NHS: variants seen among roughly 807,000 people sequenced by gnomAD.
The protein encoded by NHS is actin remodeling regulator NHS.
In NHS, 5 loss-of-function variants were observed where a neutral mutation model predicts 72.5. That is an observed-to-expected ratio of 0.07 (90% CI 0.04 to 0.14). The LOEUF is 0.14. Among genes scored for constraint, NHS ranks in the 10% least tolerant of loss-of-function variants. The pLI is 1.00. For missense variants in NHS, 1,072 were observed against 1,355.7 expected (o/e 0.79, Z 3.29); for synonymous variants, 464 against 547.7 (o/e 0.85, Z 2.13).
In NHS at chrX:17,734,881, G is replaced by T. The variant is rs937389795; in HGVS notation, c.*2417G>T. 8.0e-5 allele frequency: 9 copies of T among 112,563 alleles called. No individual in the cohort carries two copies. Among genetic ancestry groups the T allele is most frequent in the East Asian group, 5.6e-4 (2 of 3,586 alleles). The allele number at this position is 112,563 out of a possible 1,213,427, so 9.3% of individuals were successfully genotyped here. The stretch of plus-strand genomic sequence containing the variant: ...CAGTATGGCTTTTGTGTAGTTAGGG[G>T]TTTTTTAAGTGTGAAGAAAGGTATG... On this transcript the variant is annotated 3_prime_UTR_variant, in exon 9 of 9. Coordinates refer to ENST00000676302, the MANE Select transcript of NHS (RefSeq NM_001291867.2).
rs1287223456 is a variant in NHS, at chrX:17,726,723, C to T, written c.2617C>T (p.Pro873Ser). 2 of 1,211,908 alleles carry T rather than the reference C, an allele frequency of 1.7e-6. No individual in the cohort carries two copies. The highest frequency in any genetic ancestry group is 2.2e-6 in the Non-Finnish European group (2 of 895,577). ...CGCAGATATTTCTGAGAAGAAAGAA[C>T]CAAAGATAAGCAGTGGTCAGCACCT... is the stretch of plus-strand genomic sequence containing the variant. ...GNADISEKKEPKISSGQHLPH... is the reference protein window; with the variant it reads ...GNADISEKKESKISSGQHLPH... The change falls in exon 7 of 9, where the codon CCA becomes TCA. Residue 873 changes from proline (P) to serine (S), a missense_variant. By Grantham distance (74) the Pro-to-Ser change is moderately conservative. Coordinates refer to ENST00000676302, the MANE Select transcript of NHS (RefSeq NM_001291867.2).
At chrX:17,679,672 C>T (rs1268103685) in intron 1 of NHS, among the ~76,000 whole-genome samples, 1 of 111,188 alleles carries the variant, frequency 9.0e-6, no homozygotes, top group Non-Finnish European at 1.9e-5. Flanking sequence ...GTATACAAGC[C>T]AACCAAGGTA....
At chrX:17,592,625 C>T (rs1044868583) in intron 1 of NHS, among the ~76,000 whole-genome samples, 18 of 112,227 alleles carry the variant, frequency 1.6e-4, no homozygotes, top group African/African-American at 5.8e-4. Flanking sequence ...CTGAAATGTT[C>T]TCTATAGTCC....
At chrX:17,527,878 A>G (rs2065180629) in intron 1 of NHS, among the ~76,000 whole-genome samples, 1 of 103,982 alleles carries the variant, frequency 9.6e-6, no homozygotes, top group African/African-American at 3.5e-5. Flanking sequence ...AAAGGGACCC[A>G]TAATCACGCC....
At chrX:17,538,922 G>T (rs900745918) in intron 1 of NHS, among the ~76,000 whole-genome samples, 1 of 112,072 alleles carries the variant, frequency 8.9e-6, no homozygotes, top group African/African-American at 3.2e-5. Context: ...CACTGCCCTT[G>T]TCTTTCTGCC....
chrX:17,516,562 C>T (rs1456175396), intron 1 of NHS, among the ~76,000 whole-genome samples: 6 of 85,676 alleles, frequency 7.0e-5, no homozygotes, highest in African/African-American at 2.8e-4. Context: ...TTACAACACA[C>T]ACACACGCGC....
intron 1 of NHS, among the ~76,000 whole-genome samples, chrX:17,577,718 A>T (rs992032988): frequency 1.8e-5 from 2 of 111,981 alleles, no homozygotes; most frequent in Non-Finnish European, 3.8e-5. Context: ...ATTGGCTGAC[A>T]TGCTGAAAGT....
intron 1 of NHS, among the ~76,000 whole-genome samples, chrX:17,510,538 C>T (rs1460165495): frequency 8.9e-6 from 1 of 112,402 alleles, no homozygotes. Context: ...ATGGCCAATA[C>T]ATACCCATGC....
At chrX:17,381,152 T>C (rs1004715769) in intron 1 of NHS, among the ~76,000 whole-genome samples, 1 of 111,259 alleles carries the variant, frequency 9.0e-6, no homozygotes, top group Admixed American at 9.5e-5. Flanking sequence ...ATTTGAAGAG[T>C]CCAACTTTTC....
intron 1 of NHS, among the ~76,000 whole-genome samples, chrX:17,668,600 G>T (rs994159599): frequency 1.8e-5 from 2 of 110,426 alleles, no homozygotes; most frequent in African/African-American, 6.6e-5. Flanking sequence ...CCCTTCACTG[G>T]ATCAGGAGCC....
In NHS at chrX:17,726,762, A is replaced by G; in HGVS notation, c.2656A>G (p.Arg886Gly). 1 of 1,212,145 alleles carries G rather than the reference A, an allele frequency of 8.2e-7. No homozygotes were observed. Among genetic ancestry groups the G allele is most frequent in the South Asian group, 1.8e-5 (1 of 57,011 alleles). Residue 886 changes from arginine to glycine, a missense_variant, in exon 7 of 9, where the codon AGG (arginine) becomes GGG (glycine). Transcript: ENST00000676302. The stretch of plus-strand genomic sequence containing the variant: ...TGGTCAGCACCTGCCTCACAGTTCC[A>G]GGGAAATGAAGCTGCCTCTTGATTT... ...SSGQHLPHSSREMKLPLDFAN... is the reference protein window; with the variant it reads ...SSGQHLPHSSGEMKLPLDFAN...
chrX:17,422,900 A>G (rs889965818), intron 1 of NHS, among the ~76,000 whole-genome samples: 1 of 111,913 alleles, frequency 8.9e-6, no homozygotes, highest in East Asian at 2.8e-4. Context: ...AAAAAAAGGT[A>G]GAAATTGGTA....
chrX:17,697,843 C>CTAG (rs1242972405), intron 3 of NHS, among the ~76,000 whole-genome samples: 1 of 108,404 alleles, frequency 9.2e-6, no homozygotes, highest in Non-Finnish European at 1.9e-5. Context: ...CCAATAAGAA[C>CTAG]TAGTTAACCA....
intron 1 of NHS, among the ~76,000 whole-genome samples, chrX:17,383,747 A>T (rs1374991313): frequency 1.8e-5 from 2 of 111,869 alleles, no homozygotes; most frequent in East Asian, 5.6e-4. Context: ...ATTCAACATG[A>T]GATATGGGTG....
intron 2 of NHS, among the ~76,000 whole-genome samples, chrX:17,691,268 T>C (rs1437043084): frequency 8.9e-6 from 1 of 112,237 alleles, no homozygotes; most frequent in Non-Finnish European, 1.9e-5. Context: ...TGTAAACACT[T>C]TTCCTTGTGT....
chrX:17,405,720 A>G (rs1231056757), intron 1 of NHS, among the ~76,000 whole-genome samples: 1 of 112,633 alleles, frequency 8.9e-6, no homozygotes. Context: ...GTAGACTGTG[A>G]CAGTGTCAGC....
Position 17,726,150 on chromosome X carries a change from T to C in NHS, c.2044T>C (p.Phe682Leu). The change falls in exon 7 of 9, where the codon TTC (phenylalanine) becomes CTC (leucine). Residue 682 changes from phenylalanine to leucine, a missense_variant. Transcript: ENST00000676302. ...TCATGCCAATGAGGATGCCAGTGTT[T>C]TCGTGACAGAGCAATACAATGACCA... is the stretch of plus-strand genomic sequence containing the variant. Reference protein sequence around the residue: ...APHANEDASVFVTEQYNDHLD... With the variant: ...APHANEDASVLVTEQYNDHLD... 8.3e-7 allele frequency: 1 copy of C among 1,211,955 alleles called. No homozygotes were observed.
intron 1 of NHS, among the ~76,000 whole-genome samples, chrX:17,683,376 T>C (rs1042417976): frequency 2.7e-5 from 3 of 111,487 alleles, no homozygotes; most frequent in African/African-American, 9.9e-5. Flanking sequence ...TAGATCCTTT[T>C]TATGTGGCAG....
chrX:17,505,650 G>A (rs750796894), intron 1 of NHS, among the ~76,000 whole-genome samples: 20 of 107,499 alleles, frequency 1.9e-4, no homozygotes, highest in Non-Finnish European at 3.8e-4. Flanking sequence ...TTCCATATGA[G>A]GAAGCAGAGG....
Sources: allele counts gnomAD v4.1 joint callset (sites outside exome capture counted in the v4.1 genomes callset), GRCh38; gene constraint gnomAD v4.1.1; transcripts MANE v1.5; gene names NCBI Gene and HGNC (gene_info 2026-07-23, HGNC 2026-07-21).